The following BEST3 variants were observed in gnomAD, a reference collection of about 807,000 sequenced individuals.
BEST3 encodes the protein bestrophin-3.
BEST3 carries 50 observed loss-of-function variants against 47.1 expected under a neutral mutation model. The ratio of observed to expected loss-of-function variants is 1.06; its 90% CI spans 0.85 to 1.34. The LOEUF (loss-of-function observed/expected upper bound fraction) is 1.34. BEST3 is among the 40% of genes most tolerant of loss of function. The pLI, the probability that BEST3 is intolerant of heterozygous loss-of-function variation, is 0.00. For missense variants in BEST3, 765 were observed against 817.0 expected (o/e 0.94, Z 0.78); for synonymous variants, 282 against 298.8 (o/e 0.94, Z 0.58).
At chr12:69,689,473 A>G (rs1885826161) in intron 4 of BEST3, among the ~76,000 whole-genome samples, 1 of 152,188 alleles carries the variant, frequency 6.6e-6, no homozygotes, top group Non-Finnish European at 1.5e-5. Context: ...CATCTTATCC[A>G]GTATTTACAA....
intron 2 of BEST3, among the ~76,000 whole-genome samples, chr12:69,697,272 A>G (rs958889433): frequency 1.7e-4 from 26 of 152,328 alleles, no homozygotes; most frequent in Middle Eastern, 3.4e-3. Context: ...AAGCTGTCAA[A>G]TCATCAACTA....
intron 9 of BEST3, among the ~76,000 whole-genome samples, chr12:69,668,397 A>G (rs1884358930): frequency 1.3e-5 from 2 of 152,182 alleles, no homozygotes; most frequent in Non-Finnish European, 2.9e-5. Flanking sequence ...TTGTGTCTAC[A>G]GCATCTTGAC....
chr12:69,652,773 G>A (rs747047486), downstream of BEST3, among the ~76,000 whole-genome samples: 4 of 152,184 alleles, frequency 2.6e-5, no homozygotes, highest in Non-Finnish European at 5.9e-5. Context: ...TTGAGCAACA[G>A]ACAGAGCTAA....
At position 69,685,483 on chromosome 12, in the gene BEST3, T is replaced by C. The variant is rs138218107; in HGVS notation, c.482-6590A>G. ...ATACATTACAATGGTCTGGGGAGTT[T>C]TGAAAAATCCTGATGCCCAGGTTGC... On this transcript the variant is annotated intron_variant, in intron 4 of 9. Coordinates refer to ENST00000330891, the MANE Select transcript of BEST3 (RefSeq NM_032735.3). Among the ~76,000 whole-genome samples, 25 of 152,314 alleles carry C rather than the reference T, an allele frequency of 1.6e-4. No homozygotes were observed. In the East Asian group the frequency reaches 4.2e-3, roughly 26 times the overall value.
At chr12:69,645,086 G>A (rs1593121017) in intron 9 of BEST3, among the ~76,000 whole-genome samples, 1 of 152,184 alleles carries the variant, frequency 6.6e-6, no homozygotes, top group Non-Finnish European at 1.5e-5. Context: ...GATGATATTT[G>A]GTTTTTATTT....
rs751175630 is a variant in BEST3, at chr12:69,678,722, A to G, written c.636+17T>C. Reference sequence around the variant, plus strand: ...CTCTAATTAGCGTATTTTTCTTATGATTTATGATATACTTACAGTCATCAA... The same window carrying G: ...CTCTAATTAGCGTATTTTTCTTATGGTTTATGATATACTTACAGTCATCAA... On this transcript the variant is annotated intron_variant, in intron 5 of 9. Transcript: ENST00000330891. The G allele has an allele frequency of 2.5e-6, 4 of 1,611,830 alleles. No homozygotes were observed. The highest frequency in any genetic ancestry group is 3.4e-6 in the Non-Finnish European group (4 of 1,178,488).
At chr12:69,689,394 C>T in intron 4 of BEST3, 1 of 312,414 alleles carries the variant, frequency 3.2e-6, no homozygotes, top group Non-Finnish European at 4.7e-6. Flanking sequence ...AGGATAGTGG[C>T]TTGGAACCTT....
intron 4 of BEST3, among the ~76,000 whole-genome samples, chr12:69,679,815 C>T (rs1038716694): frequency 1.3e-5 from 2 of 152,238 alleles, no homozygotes; most frequent in Admixed American, 6.5e-5. Flanking sequence ...GAGCTGAGAT[C>T]GTGCCACTGC....
At chr12:69,644,260 GT>G (rs1882964424) in intron 9 of BEST3, among the ~76,000 whole-genome samples, 1 of 152,194 alleles carries the variant, frequency 6.6e-6, no homozygotes, top group Non-Finnish European at 1.5e-5. Context: ...GGATACAGTA[GT>G]TTATTTCCCC....
chr12:69,681,283 AC>A (rs1275081548), intron 4 of BEST3, among the ~76,000 whole-genome samples: 3 of 152,152 alleles, frequency 2.0e-5, no homozygotes. Context: ...TCTATCTTTA[AC>A]CATCTGTAAT....
chr12:69,682,569 T>A lies in BEST3; in HGVS notation c.482-3676A>T, dbSNP rs529808941. 8.3e-5 allele frequency among the ~76,000 whole-genome samples: 11 copies of A among 133,258 alleles called. No individual in the cohort carries two copies. In the East Asian group the frequency reaches 2.5e-3, roughly 30 times the overall value. 87.4% of individuals were successfully genotyped at this position (133,258 alleles called of 152,430 possible). On this transcript the variant is annotated intron_variant, in intron 4 of 9. Coordinates refer to ENST00000330891, the MANE Select transcript of BEST3 (RefSeq NM_032735.3). ...TTTTTAAAGAATTGCAGAGCATGAT[T>A]AAATTTTTTTTTTCAATTTTTAATG...
At position 69,653,987 on chromosome 12, in the gene BEST3, C is replaced by A; in HGVS notation, c.*920G>T. On this transcript the variant is annotated 3_prime_UTR_variant, in exon 10 of 10. Transcript: ENST00000330891. ...CTCTTGGCTTCGTTTTTCTCCAGTG[C>A]CCAACACCAAATAGTGGAAGCAGAA... The A allele has an allele frequency of 1.9e-5, 19 of 985,414 alleles. No homozygotes were observed. Among genetic ancestry groups the A allele is most frequent in the Non-Finnish European group, 2.3e-5 (19 of 829,950 alleles). 61.0% of individuals were successfully genotyped at this position (985,414 alleles called of 1,614,324 possible). A position where few individuals can be genotyped will look rare whatever the true frequency, so the allele number is the denominator to read the frequency against.
chr12:69,685,264 A>G (rs1885511897), intron 4 of BEST3, among the ~76,000 whole-genome samples: 1 of 152,198 alleles, frequency 6.6e-6, no homozygotes, highest in African/African-American at 2.4e-5. Flanking sequence ...TTAGTATCCC[A>G]TCTGGTAATT....
chr12:69,670,354 C>G, intron 9 of BEST3: 1 of 665,150 alleles, frequency 1.5e-6, no homozygotes, highest in African/African-American at 1.8e-5. Flanking sequence ...GAGTAGGCAA[C>G]CTTCTCTAAG....
chr12:69,696,767 C>T (rs940307873), intron 2 of BEST3, among the ~76,000 whole-genome samples: 1 of 152,066 alleles, frequency 6.6e-6, no homozygotes, highest in Non-Finnish European at 1.5e-5. Context: ...ATTTGTTTAT[C>T]TGTATGCAGA....
At position 69,693,715 on chromosome 12, in the gene BEST3, A is replaced by C; in HGVS notation, c.440T>G (p.Val147Gly). ...LLIFRSVSTA[V>G]YKRFPTMDHV... ...GTCCATTGTGGGAAATCTTTTGTAC[A>C]CAGCAGTGCTCACCGAGCGAAAGAT... is the stretch of plus-strand genomic sequence containing the variant. The change falls in exon 4 of 10, where the codon GTG (valine) becomes GGG (glycine). Residue 147 changes from valine to glycine, a missense_variant. Val to Gly is a moderately radical substitution (Grantham distance 109). Coordinates refer to ENST00000330891, the MANE Select transcript of BEST3 (RefSeq NM_032735.3). 6.2e-7 allele frequency: 1 copy of C among 1,614,104 alleles called. No homozygotes were observed.
chr12:69,660,342 T>C (rs1014292285), intron 9 of BEST3: 1 of 152,220 alleles, frequency 6.6e-6, no homozygotes, highest in African/African-American at 2.4e-5. Flanking sequence ...TGAAGGTCAC[T>C]CCCTTTTCTT....
chr12:69,656,674 T>A (rs974410492), intron 9 of BEST3, among the ~76,000 whole-genome samples: 3 of 152,148 alleles, frequency 2.0e-5, no homozygotes, highest in Admixed American at 6.5e-5. Context: ...GAGGTATTAG[T>A]ATCCTCACTT....
chr12:69,665,095 CAAA>C (rs1884110505), intron 9 of BEST3, among the ~76,000 whole-genome samples: 1 of 141,398 alleles, frequency 7.1e-6, no homozygotes, highest in East Asian at 2.0e-4. Flanking sequence ...GGTACAGCAG[CAAA>C]GTGAAATTCA....
Sources: gnomAD v4.1 joint callset for allele counts (sites outside exome capture counted in the v4.1 genomes callset) on GRCh38, gnomAD v4.1.1 for gene constraint, MANE v1.5 for transcripts, NCBI Gene and HGNC (gene_info 2026-07-23, HGNC 2026-07-21) for gene names.